The following B3GALT1 variants were observed in gnomAD, a reference collection of about 807,000 sequenced individuals.
B3GALT1 encodes UDP-Gal:betaGlcNAc beta 1,3-galactosyltransferase, polypeptide 1.
B3GALT1 carries 10 observed loss-of-function variants against 23.2 expected under a neutral mutation model. The ratio of observed to expected loss-of-function variants is 0.43; its 90% CI spans 0.27 to 0.73. B3GALT1 has a LOEUF of 0.73. B3GALT1 is among the 30% of genes least tolerant of loss of function. The pLI is 0.21. For missense variants in B3GALT1, 299 were observed against 405.4 expected (o/e 0.74, Z 2.25); for synonymous variants, 156 against 141.5 (o/e 1.10, Z -0.73).
chr2:167,680,026 A>G (rs1034610629), intron 3 of B3GALT1, among the ~76,000 whole-genome samples: 1 of 152,160 alleles, frequency 6.6e-6, no homozygotes. Context: ...AAACCGTATC[A>G]ATGTCTAAGT....
At chr2:167,564,245 T>A (rs960500568) in intron 2 of B3GALT1, among the ~76,000 whole-genome samples, 2 of 144,022 alleles carry the variant, frequency 1.4e-5, no homozygotes, top group Non-Finnish European at 3.0e-5. Context: ...GCAGAGGCGC[T>A]CCCCACATCT....
At chr2:167,620,597 G>T (rs1048701639) in intron 2 of B3GALT1, among the ~76,000 whole-genome samples, 1 of 151,944 alleles carries the variant, frequency 6.6e-6, no homozygotes, top group African/African-American at 2.4e-5. Flanking sequence ...CCCAAAATGT[G>T]CCCAAAACTT....
intron 4 of B3GALT1, among the ~76,000 whole-genome samples, chr2:167,835,280 A>C (rs1333819306): frequency 1.3e-5 from 2 of 152,188 alleles, no homozygotes; most frequent in African/African-American, 4.8e-5. Flanking sequence ...TTTCCTAGTC[A>C]AAGAAAGGGG....
rs1161829630 is a variant in B3GALT1 at position 167,648,013 on chromosome 2, AT to A, written c.-352+1048del. ...TTCTCATCTTACAAACCTTTGAATC[AT>A]GATGAATTTTTCAACTCTAACTCAT... On this transcript the variant is annotated intron_variant, in intron 3 of 4. Transcript: ENST00000392690. 4.6e-5 allele frequency among the ~76,000 whole-genome samples: 7 copies of A among 152,242 alleles called. 1 individual carries two copies. The East Asian group carries it at 1.4e-3, about 29-fold the overall frequency.
chr2:167,778,582 C>T lies in B3GALT1; in HGVS notation c.-351-40090C>T, dbSNP rs557509521. Among the ~76,000 whole-genome samples the T allele has an allele frequency of 4.6e-5, 7 of 152,334 alleles. No individual in the cohort carries two copies. The South Asian group carries it at 6.2e-4, about 14-fold the overall frequency. On this transcript the variant is annotated intron_variant, in intron 3 of 4. Transcript: ENST00000392690. ...AGAGACTGCAGACTTCTTTCATCAG[C>T]ACTCAGAATAGAGACCCAATAGCTA...
chr2:167,311,298 T>C (rs946917070), intron 1 of B3GALT1, among the ~76,000 whole-genome samples: 2 of 152,096 alleles, frequency 1.3e-5, no homozygotes, highest in Non-Finnish European at 2.9e-5. Flanking sequence ...CTTGCAAAGC[T>C]GCGTAATACA....
intron 3 of B3GALT1, among the ~76,000 whole-genome samples, chr2:167,666,966 G>A (rs1039904540): frequency 6.6e-6 from 1 of 151,394 alleles, no homozygotes; most frequent in African/African-American, 2.4e-5. Context: ...AGTTAATATT[G>A]TTATGTGTGA....
chr2:167,561,648 A>C (rs1010267524), intron 2 of B3GALT1, among the ~76,000 whole-genome samples: 58 of 152,266 alleles, frequency 3.8e-4, no homozygotes, highest in African/African-American at 5.5e-4. Context: ...CACAGAAATA[A>C]AAACTACCAT....
intron 3 of B3GALT1, among the ~76,000 whole-genome samples, chr2:167,808,215 T>C (rs1481483225): frequency 1.3e-5 from 2 of 150,848 alleles, no homozygotes; most frequent in African/African-American, 4.9e-5. Context: ...TGAGATGGGT[T>C]TCCTGAATAC....
intron 2 of B3GALT1, among the ~76,000 whole-genome samples, chr2:167,614,435 A>C (rs1685122014): frequency 1.3e-5 from 2 of 152,014 alleles, no homozygotes; most frequent in Middle Eastern, 3.4e-3. Context: ...AATGTTTAAG[A>C]GTTTTCAATT....
intron 1 of B3GALT1, among the ~76,000 whole-genome samples, chr2:167,377,140 G>T (rs1289548171): frequency 6.6e-6 from 1 of 152,060 alleles, no homozygotes; most frequent in South Asian, 2.1e-4. Flanking sequence ...ATGTAATTTT[G>T]TGGTTTTGAG....
At chr2:167,669,853 A>G (rs1686291715) in intron 3 of B3GALT1, among the ~76,000 whole-genome samples, 1 of 152,100 alleles carries the variant, frequency 6.6e-6, no homozygotes, top group African/African-American at 2.4e-5. Context: ...AAGCCCGCCA[A>G]TTTCTCACCC....
intron 2 of B3GALT1, among the ~76,000 whole-genome samples, chr2:167,598,242 C>T (rs1353535055): frequency 1.3e-5 from 2 of 151,580 alleles, no homozygotes; most frequent in Admixed American, 1.3e-4. Flanking sequence ...ATGTTCAAAC[C>T]CTCAATTCTG....
At chr2:167,329,713 T>C (rs1696944161) in intron 1 of B3GALT1, among the ~76,000 whole-genome samples, 1 of 152,238 alleles carries the variant, frequency 6.6e-6, no homozygotes, top group Non-Finnish European at 1.5e-5. Flanking sequence ...GGGATTAATT[T>C]CCTTAGCTTT....
At chr2:167,312,886 A>G (rs1189289851) in intron 1 of B3GALT1, among the ~76,000 whole-genome samples, 1 of 152,044 alleles carries the variant, frequency 6.6e-6, no homozygotes, top group African/African-American at 2.4e-5. Context: ...AATTTTTTAA[A>G]TTATTCTGAT....
At chr2:167,510,199 T>G (rs1259070883) in intron 2 of B3GALT1, among the ~76,000 whole-genome samples, 1 of 152,146 alleles carries the variant, frequency 6.6e-6, no homozygotes, top group Non-Finnish European at 1.5e-5. Flanking sequence ...CCATCAGGTG[T>G]AACTCTCCAT....
chr2:167,326,858 T>G (rs941981628), intron 1 of B3GALT1, among the ~76,000 whole-genome samples: 1 of 151,908 alleles, frequency 6.6e-6, no homozygotes, highest in African/African-American at 2.4e-5. Flanking sequence ...CCCGGCTAAT[T>G]TTTCTTTTAT....
At chr2:167,693,134 A>G (rs1686739588) in intron 3 of B3GALT1, among the ~76,000 whole-genome samples, 1 of 152,024 alleles carries the variant, frequency 6.6e-6, no homozygotes, top group Non-Finnish European at 1.5e-5. Context: ...TCACAACACA[A>G]GAGTGCCCAA....
At chr2:167,678,667 T>G (rs939610064) in intron 3 of B3GALT1, among the ~76,000 whole-genome samples, 5 of 152,226 alleles carry the variant, frequency 3.3e-5, no homozygotes, top group Non-Finnish European at 5.9e-5. Context: ...TTTCTATTAA[T>G]TTCCATTTTC....
Sources: allele counts gnomAD v4.1 joint callset (sites outside exome capture counted in the v4.1 genomes callset), GRCh38; gene constraint gnomAD v4.1.1; transcripts MANE v1.5; gene names NCBI Gene and HGNC (gene_info 2026-07-23, HGNC 2026-07-21).